TFCP2L1: variants seen among roughly 807,000 people sequenced by gnomAD.
TFCP2L1 encodes transcription factor CP2 like 1, also known as transcription factor CP2-like protein 1.
In TFCP2L1, 12 loss-of-function variants were observed where a neutral mutation model predicts 72.2. The ratio of observed to expected loss-of-function variants is 0.17; its 90% CI spans 0.11 to 0.27. The LOEUF (loss-of-function observed/expected upper bound fraction) is 0.27. TFCP2L1 is among the 10% of genes least tolerant of loss of function. TFCP2L1 has a pLI of 1.00. For synonymous variants in TFCP2L1, 260 were observed against 251.0 expected (o/e 1.04, Z -0.34); for missense variants, 488 against 624.6 (o/e 0.78, Z 2.33).
At chr2:121,225,112 A>G (rs1685999657) in intron 14 of TFCP2L1, among the ~76,000 whole-genome samples, 2 of 152,122 alleles carry the variant, frequency 1.3e-5, no homozygotes, top group Non-Finnish European at 2.9e-5. Flanking sequence ...CATGCACCCC[A>G]ACCCTTAGGA....
chr2:121,269,266 T>C (rs554095940), intron 2 of TFCP2L1, among the ~76,000 whole-genome samples: 2 of 148,904 alleles, frequency 1.3e-5, no homozygotes, highest in African/African-American at 2.5e-5. Flanking sequence ...CTGGGCAACA[T>C]GGCAGAATCC....
In TFCP2L1 at chr2:121,285,071, C is replaced by T. The variant is rs1418076630; in HGVS notation, c.39G>A (p.Gln13=). The change falls in exon 1 of 15, where the codon CAG becomes CAA. Residue 13 remains glutamine (Q), a synonymous_variant. Coordinates refer to ENST00000263707, the MANE Select transcript of TFCP2L1 (RefSeq NM_014553.3). ...FWHTQPEHYN[Q]HNSGSYLRDV... is the part of the protein sequence containing the mutation. ...ACCGCAGGTAGCTGCCGGAGTTGTG[C>T]TGGTTGTAGTGCTCGGGCTGCGTGT... 1 of 1,524,000 alleles carries T rather than the reference C, an allele frequency of 6.6e-7. No individual in the cohort carries two copies. The highest frequency in any genetic ancestry group is 8.8e-7 in the Non-Finnish European group (1 of 1,138,474). The allele number at this position is 1,524,000 out of a possible 1,614,324, so 94.4% of individuals were successfully genotyped here. A position where few individuals can be genotyped will look rare whatever the true frequency, so the allele number is the denominator to read the frequency against.
chr2:121,227,050 G>A (rs147034485), intron 13 of TFCP2L1, among the ~76,000 whole-genome samples: 2,891 of 152,272 alleles, frequency 0.019, 110 homozygotes, highest in African/African-American at 0.066. Context: ...GCCAATGAGC[G>A]CCAGCTGTAT....
chr2:121,249,271 C>A (rs977671731), intron 3 of TFCP2L1, among the ~76,000 whole-genome samples, 184 bp from the exon 4 acceptor site: 2 of 152,286 alleles, frequency 1.3e-5, no homozygotes, highest in South Asian at 2.1e-4. Flanking sequence ...ACAACAGCAA[C>A]AACAGTGATG....
chr2:121,249,489 G>T, intron 3 of TFCP2L1, 82 bp downstream of exon 3: 1 of 1,357,584 alleles, frequency 7.4e-7, no homozygotes, highest in Non-Finnish European at 1.0e-6. Context: ...AGCTACCCGT[G>T]CCCAACCCCA....
chr2:121,266,613 G>A (rs986367601), intron 2 of TFCP2L1, among the ~76,000 whole-genome samples: 3 of 152,154 alleles, frequency 2.0e-5, no homozygotes, highest in Non-Finnish European at 4.4e-5. Flanking sequence ...GTGACTGTGT[G>A]TCTGTTTTTC....
chr2:121,283,538 C>T (rs775589435), intron 1 of TFCP2L1, among the ~76,000 whole-genome samples: 4 of 152,184 alleles, frequency 2.6e-5, no homozygotes, highest in African/African-American at 7.2e-5. Context: ...TCACCCTCCT[C>T]CTTTCACCAA....
rs1480811843 is a variant in TFCP2L1, at chr2:121,234,073, C to T, written c.1198+18G>A. 6.2e-7 allele frequency: 1 copy of T among 1,611,250 alleles called. No individual in the cohort carries two copies. Among genetic ancestry groups the T allele is most frequent in the Non-Finnish European group, 8.5e-7 (1 of 1,178,902 alleles). ...GGGACCCAATGTGTGGGTCCCAGCT[C>T]TGCTCCCCACAACTCACCAGACAGG... On this transcript the variant is annotated intron_variant, in intron 12 of 14. Coordinates refer to ENST00000263707, the MANE Select transcript of TFCP2L1 (RefSeq NM_014553.3).
intron 2 of TFCP2L1, among the ~76,000 whole-genome samples, chr2:121,276,999 C>T (rs143373780): frequency 5.3e-5 from 8 of 150,106 alleles, no homozygotes; most frequent in African/African-American, 1.2e-4. Flanking sequence ...TATCACCCAA[C>T]GAAAGTTAAA....
At chr2:121,269,095 T>C (rs958067156) in intron 2 of TFCP2L1, among the ~76,000 whole-genome samples, 1 of 151,546 alleles carries the variant, frequency 6.6e-6, no homozygotes, top group Non-Finnish European at 1.5e-5. Flanking sequence ...AAATGGGACA[T>C]GAAATACAAA....
chr2:121,279,919 G>A (rs1355000245), intron 2 of TFCP2L1, among the ~76,000 whole-genome samples: 4 of 152,086 alleles, frequency 2.6e-5, no homozygotes, highest in Admixed American at 2.6e-4. Flanking sequence ...CATGTCTGGG[G>A]CACACAAACA....
intron 2 of TFCP2L1, among the ~76,000 whole-genome samples, chr2:121,265,659 T>G (rs937704403): frequency 6.6e-6 from 1 of 152,006 alleles, no homozygotes; most frequent in Non-Finnish European, 1.5e-5. Context: ...AATTTTTGTA[T>G]TTTTAGTAGA....
intron 2 of TFCP2L1, among the ~76,000 whole-genome samples, chr2:121,257,543 A>T (rs1202815221): frequency 6.6e-6 from 1 of 152,146 alleles, no homozygotes; most frequent in Non-Finnish European, 1.5e-5. Context: ...GGCCAGATAA[A>T]ATACACAAGT....
intron 7 of TFCP2L1, 100 bp from the exon 8 acceptor site, chr2:121,239,749 A>G (rs1274912801): frequency 1.3e-5 from 15 of 1,170,156 alleles, no homozygotes; most frequent in Non-Finnish European, 1.7e-5. Flanking sequence ...AATGCATGAG[A>G]CCCCCACCTG....
At chr2:121,263,543 G>A (rs1686868928) in intron 2 of TFCP2L1, among the ~76,000 whole-genome samples, 1 of 146,228 alleles carries the variant, frequency 6.8e-6, no homozygotes, top group African/African-American at 2.5e-5. Flanking sequence ...ACAGTTACGA[G>A]AAATCAGACA....
In TFCP2L1 at chr2:121,218,461, G is replaced by C. The variant is rs1392964627; in HGVS notation, c.*5880C>G. 1 of 152,422 alleles carries C rather than the reference G, an allele frequency of 6.6e-6. No homozygotes were observed. Among genetic ancestry groups the C allele is most frequent in the Non-Finnish European group, 1.5e-5 (1 of 68,198 alleles). 9.4% of individuals were successfully genotyped at this position (152,422 alleles called of 1,614,324 possible). On this transcript the variant is annotated 3_prime_UTR_variant, in exon 15 of 15. Coordinates refer to ENST00000263707, the MANE Select transcript of TFCP2L1 (RefSeq NM_014553.3). ...GCTGATACAGGATGAGGGGTGCGGA[G>C]CTGAGGATGTTGTTCTCTTTGATGA...
At position 121,246,845 on chromosome 2, in the gene TFCP2L1, T is replaced by C; in HGVS notation, c.630A>G (p.Ser210=). The C allele has an allele frequency of 6.2e-7, 1 of 1,614,218 alleles. No individual in the cohort carries two copies. The highest frequency in any genetic ancestry group is 8.5e-7 in the Non-Finnish European group (1 of 1,180,026). The part of the protein sequence containing the change: ...ENGEYTEHLH[S]ASCQIKVFKP... ...TGAACACCTTGATCTGGCAGCTGGC[T>C]GAGTGCAGGTGCTCCGTGTACTCCC... The change falls in exon 6 of 15, where the codon TCA becomes TCG. Residue 210 remains serine (S), a synonymous_variant. Transcript: ENST00000263707.
chr2:121,235,433 C>T, intron 10 of TFCP2L1, 122 bp from the exon 11 acceptor site: 3 of 940,794 alleles, frequency 3.2e-6, no homozygotes, highest in Admixed American at 4.3e-5. Context: ...GCTGCACTAT[C>T]TCACAGAGAG....
chr2:121,252,719 G>C (rs569956116), intron 2 of TFCP2L1, among the ~76,000 whole-genome samples: 1 of 152,096 alleles, frequency 6.6e-6, no homozygotes, highest in South Asian at 2.1e-4. Flanking sequence ...TAACCCTGCC[G>C]AATTTCCGAC....
Sources: allele counts gnomAD v4.1 joint callset (sites outside exome capture counted in the v4.1 genomes callset), GRCh38; gene constraint gnomAD v4.1.1; transcripts MANE v1.5; gene names NCBI Gene and HGNC (gene_info 2026-07-23, HGNC 2026-07-21).